Variants in NKAIN3 observed in about 807,000 individuals in gnomAD.
NKAIN3 encodes sodium/potassium transporting ATPase interacting 3, also known as sodium/potassium-transporting ATPase subunit beta-1-interacting protein 3.
A neutral mutation model predicts 30.2 loss-of-function variants in NKAIN3; 25 were observed. The ratio of observed to expected loss-of-function variants is 0.83; its 90% CI spans 0.60 to 1.16. The LOEUF (loss-of-function observed/expected upper bound fraction) is 1.16. Ranked by LOEUF, NKAIN3 falls within the 50% of genes most tolerant of loss-of-function variation. The pLI, the probability that NKAIN3 is intolerant of heterozygous loss-of-function variation, is 0.00. For missense variants in NKAIN3, 225 were observed against 254.1 expected (o/e 0.89, Z 0.78); for synonymous variants, 91 against 89.6 (o/e 1.02, Z -0.09).
At chr8:62,511,405 A>G (rs1807809306) in intron 1 of NKAIN3, among the ~76,000 whole-genome samples, 1 of 152,128 alleles carries the variant, frequency 6.6e-6, no homozygotes, top group Non-Finnish European at 1.5e-5. Flanking sequence ...GGCCACTCTC[A>G]GATGCCACCC....
chr8:62,348,144 C>G (rs1440530880), intron 1 of NKAIN3, among the ~76,000 whole-genome samples: 1 of 151,968 alleles, frequency 6.6e-6, no homozygotes, highest in Non-Finnish European at 1.5e-5. Context: ...ATTTAAGCAG[C>G]TATCAATTAT....
intron 3 of NKAIN3, among the ~76,000 whole-genome samples, chr8:62,595,096 G>A (rs1458092121): frequency 6.6e-6 from 1 of 151,862 alleles, no homozygotes; most frequent in African/African-American, 2.4e-5. Flanking sequence ...TAATACTATA[G>A]AGAAAATTGA....
chr8:62,508,442 C>CT (rs1172545496), intron 1 of NKAIN3, among the ~76,000 whole-genome samples: 6 of 152,254 alleles, frequency 3.9e-5, no homozygotes, highest in Admixed American at 3.3e-4. Context: ...TTTTCCTTTG[C>CT]TGCACATCAC....
At chr8:62,257,601 A>T (rs1812303578) in intron 1 of NKAIN3, among the ~76,000 whole-genome samples, 1 of 152,202 alleles carries the variant, frequency 6.6e-6, no homozygotes, top group African/African-American at 2.4e-5. Flanking sequence ...TGCCTTACCA[A>T]AATAGAATTA....
intron 1 of NKAIN3, among the ~76,000 whole-genome samples, chr8:62,478,619 T>C (rs1381436056): frequency 6.6e-6 from 1 of 152,208 alleles, no homozygotes; most frequent in Non-Finnish European, 1.5e-5. Flanking sequence ...TTAATAATCT[T>C]TATTATCAAT....
chr8:62,634,096 G>T (rs1187098432), intron 3 of NKAIN3, among the ~76,000 whole-genome samples: 2 of 151,908 alleles, frequency 1.3e-5, no homozygotes, highest in African/African-American at 4.8e-5. Context: ...TATATTTATG[G>T]TTTCTGTTGA....
chr8:62,770,593 G>A (rs1816979211), intron 4 of NKAIN3, among the ~76,000 whole-genome samples: 1 of 151,946 alleles, frequency 6.6e-6, no homozygotes, highest in South Asian at 2.1e-4. Context: ...ATTTATAAGG[G>A]ATCCACTGAT....
At chr8:62,737,552 C>G (rs1299717314) in intron 3 of NKAIN3, among the ~76,000 whole-genome samples, 1 of 152,092 alleles carries the variant, frequency 6.6e-6, no homozygotes, top group African/African-American at 2.4e-5. Context: ...TAGAATCACA[C>G]TGGTAAAGCC....
At chr8:62,285,361 A>G (rs571532073) in intron 1 of NKAIN3, among the ~76,000 whole-genome samples, 154 of 152,274 alleles carry the variant, frequency 1.0e-3, no homozygotes, top group African/African-American at 3.6e-3. Flanking sequence ...CGTCTGCTTT[A>G]TGGGGGGAAA....
intron 4 of NKAIN3, among the ~76,000 whole-genome samples, chr8:62,848,419 C>A (rs1819757743): frequency 6.6e-6 from 1 of 151,726 alleles, no homozygotes; most frequent in African/African-American, 2.4e-5. Context: ...GTATTTTATC[C>A]TTTTTGTGGC....
chr8:62,937,898 A>G (rs1822836459), intron 5 of NKAIN3, among the ~76,000 whole-genome samples: 1 of 152,038 alleles, frequency 6.6e-6, no homozygotes, highest in Admixed American at 6.5e-5. Context: ...TTCTGGCTGC[A>G]TGAGAACTGA....
At chr8:62,641,055 C>G (rs1412153645) in intron 3 of NKAIN3, among the ~76,000 whole-genome samples, 2 of 151,762 alleles carry the variant, frequency 1.3e-5, no homozygotes, top group Admixed American at 1.3e-4. Context: ...GGTCCTAACA[C>G]CAGCAGCACA....
At chr8:62,759,437 A>G (rs937946278) in intron 4 of NKAIN3, among the ~76,000 whole-genome samples, 1 of 152,008 alleles carries the variant, frequency 6.6e-6, no homozygotes, top group African/African-American at 2.4e-5. Flanking sequence ...GCAGTTGCAG[A>G]CTATATTTCA....
At chr8:62,298,298 T>C (rs1217987858) in intron 1 of NKAIN3, among the ~76,000 whole-genome samples, 1 of 152,170 alleles carries the variant, frequency 6.6e-6, no homozygotes, top group East Asian at 1.9e-4. Context: ...GTTGTGCATA[T>C]GTACCCTAAA....
chr8:62,344,182 CAAAT>C (rs1470885923), intron 1 of NKAIN3, among the ~76,000 whole-genome samples: 1 of 151,836 alleles, frequency 6.6e-6, no homozygotes, highest in Non-Finnish European at 1.5e-5. Flanking sequence ...ATCTGAAACA[CAAAT>C]AAAGAAATCA....
intron 4 of NKAIN3, among the ~76,000 whole-genome samples, chr8:62,758,750 A>T (rs1324513917): frequency 6.6e-6 from 1 of 152,166 alleles, no homozygotes; most frequent in Non-Finnish European, 1.5e-5. Context: ...TACATGTTTT[A>T]AACCTAGTTA....
chr8:62,656,937 T>G (rs1563503145), intron 3 of NKAIN3, among the ~76,000 whole-genome samples: 1 of 152,190 alleles, frequency 6.6e-6, no homozygotes, highest in Non-Finnish European at 1.5e-5. Context: ...AAAAAACATC[T>G]ATCATGAGAA....
chr8:62,812,202 A>G (rs1009141526), intron 4 of NKAIN3, among the ~76,000 whole-genome samples: 4 of 151,922 alleles, frequency 2.6e-5, no homozygotes, highest in Non-Finnish European at 4.4e-5. Context: ...CTAAGTATCA[A>G]TCTCTTCATC....
intron 1 of NKAIN3, among the ~76,000 whole-genome samples, chr8:62,578,438 T>C (rs1266257285): frequency 1.3e-5 from 2 of 152,136 alleles, no homozygotes; most frequent in Non-Finnish European, 2.9e-5. Context: ...TAAATTTTCT[T>C]GTAGGTATAT....
Sources: gnomAD v4.1 joint callset for allele counts (sites outside exome capture counted in the v4.1 genomes callset) on GRCh38, gnomAD v4.1.1 for gene constraint, MANE v1.5 for transcripts, NCBI Gene and HGNC (gene_info 2026-07-23, HGNC 2026-07-21) for gene names.